PIEZO2: variants seen among roughly 807,000 people sequenced by gnomAD.
PIEZO2 encodes the protein piezo-type mechanosensitive ion channel component 2.
In PIEZO2, 172 loss-of-function variants were observed where a neutral mutation model predicts 337.3. That is an observed-to-expected ratio of 0.51 (90% CI 0.45 to 0.58). The LOEUF (loss-of-function observed/expected upper bound fraction) is 0.58. PIEZO2 is among the 20% of genes least tolerant of loss of function. PIEZO2 has a pLI of 0.00. For synonymous variants in PIEZO2, 1,251 were observed against 1,228.5 expected, an observed-to-expected ratio of 1.02 and a Z score of -0.38; for missense variants, 3,028 against 3,391.3, an observed-to-expected ratio of 0.89 and a Z score of 2.66.
rs1319542874 is a variant in PIEZO2, at chr18:11,083,684, A to C, written c.65-17462T>G. 6.6e-6 allele frequency among the ~76,000 whole-genome samples: 1 copy of C among 152,204 alleles called. No homozygotes were observed. Among genetic ancestry groups the C allele is most frequent in the East Asian group, 1.9e-4 (1 of 5,184 alleles). ...TGAGGTAGAATCATTTAGGACACTT[A>C]GTAGGAATCCTCAGGCAGAAGACTA... On this transcript the variant is annotated intron_variant, in intron 1 of 55. Transcript: ENST00000674853. The surrounding 1 kb of genome is among the most constrained non-coding windows in gnomAD (Gnocchi z 4.4).
intron 17 of PIEZO2, among the ~76,000 whole-genome samples, chr18:10,782,375 A>ATAATATCTTATAATT (rs2039044460): frequency 9.9e-6 from 1 of 101,474 alleles, no homozygotes; most frequent in South Asian, 2.6e-4. Flanking sequence ...AAATAATTAT[A>ATAATATCTTATAATT]ATATATTATA....
At position 10,979,994 on chromosome 18, in the gene PIEZO2, C is replaced by T. The variant is rs1257868510; in HGVS notation, c.161-334G>A. On this transcript the variant is annotated intron_variant, in intron 2 of 55. Coordinates refer to ENST00000674853, the MANE Select transcript of PIEZO2 (RefSeq NM_001378183.1). This position sits in a 1 kb window ranked among gnomAD's most constrained non-coding sequence, Gnocchi z 4.0. The stretch of plus-strand genomic sequence containing the variant: ...GCCAACTTTGAAGGGACAGATAACT[C>T]CTGTCTTAGAAAAATAATTCTAGGA... Among the ~76,000 whole-genome samples, 1 of 152,076 alleles carries T rather than the reference C, an allele frequency of 6.6e-6. No individual in the cohort carries two copies. The highest frequency in any genetic ancestry group is 1.5e-5 in the Non-Finnish European group (1 of 68,000).
At chr18:10,692,405 C>T (rs1224308203) in intron 47 of PIEZO2, among the ~76,000 whole-genome samples, 1 of 152,152 alleles carries the variant, frequency 6.6e-6, no homozygotes, top group Non-Finnish European at 1.5e-5. Context: ...GATACAAGCA[C>T]CATATTTCTC....
chr18:10,801,915 T>C (rs1424897426), intron 9 of PIEZO2, among the ~76,000 whole-genome samples: 1 of 151,752 alleles, frequency 6.6e-6, no homozygotes, highest in African/African-American at 2.4e-5. Flanking sequence ...TGAAACCCCA[T>C]CTCTACTAAA....
chr18:11,106,282 TA>T (rs2039558543), intron 1 of PIEZO2, among the ~76,000 whole-genome samples: 2 of 148,288 alleles, frequency 1.3e-5, no homozygotes, highest in African/African-American at 5.0e-5. Context: ...TTTTTTTTAG[TA>T]GAGACGGGGT....
chr18:11,049,783 T>C (rs1328544966), intron 2 of PIEZO2, among the ~76,000 whole-genome samples: 1 of 152,190 alleles, frequency 6.6e-6, no homozygotes, highest in East Asian at 1.9e-4. Flanking sequence ...CCTCCCACCA[T>C]GATTGTGAGG....
In PIEZO2 at chr18:10,742,580, T is replaced by C; in HGVS notation, c.4550A>G (p.Lys1517Arg). 1 of 1,537,208 alleles carries C rather than the reference T, an allele frequency of 6.5e-7. No individual in the cohort carries two copies. The highest frequency in any genetic ancestry group is 1.2e-5 in the South Asian group (1 of 84,060). ...GCTCAGCATCCTCTCCTTACCCTTT[T>C]TATATTTCTGTTGCCTGGCCTTGAT... ...DRIKARQQKY[K>R]KGKERMLSLT... The change falls in exon 32 of 56, where the codon AAA (lysine) becomes AGA (arginine). Residue 1517 changes from lysine to arginine, a missense_variant. Around this residue, in one of 5 missense-constraint regions of PIEZO2, gnomAD observed 1,925 missense variants for 2,051.9 expected, o/e 0.94. Transcript: ENST00000674853.
chr18:10,859,863 C>T lies in PIEZO2; in HGVS notation c.493-2652G>A, dbSNP rs540820051. ...CAGCAGCGGGGAGGTGGTGGCTGTG[C>T]TGGAGGAGAGGGGAGGGAGTGGTGG... is the stretch of plus-strand genomic sequence containing the variant. On this transcript the variant is annotated intron_variant, in intron 5 of 55. Transcript: ENST00000674853. The surrounding 1 kb of genome is among the most constrained non-coding windows in gnomAD (Gnocchi z 4.9). 1.3e-5 allele frequency among the ~76,000 whole-genome samples: 2 copies of T among 152,144 alleles called. No individual in the cohort carries two copies. Among genetic ancestry groups the T allele is most frequent in the East Asian group, 3.9e-4 (2 of 5,170 alleles).
rs2040368652 is a variant in PIEZO2 at position 11,132,489 on chromosome 18, A to C, written c.64+16036T>G. ...CAGAAGGCCGTGTATGCTCTGAATC[A>C]ACATCCAATATATGGTACTGTTTCT... On this transcript the variant is annotated intron_variant, in intron 1 of 55. Coordinates refer to ENST00000674853, the MANE Select transcript of PIEZO2 (RefSeq NM_001378183.1). The surrounding 1 kb of genome is among the most constrained non-coding windows in gnomAD (Gnocchi z 4.7). Among the ~76,000 whole-genome samples, 1 of 152,162 alleles carries C rather than the reference A, an allele frequency of 6.6e-6. No homozygotes were observed. The highest frequency in any genetic ancestry group is 2.1e-4 in the South Asian group (1 of 4,822).
At chr18:10,721,120 G>A (rs185603856) in intron 36 of PIEZO2, among the ~76,000 whole-genome samples, 1 of 152,266 alleles carries the variant, frequency 6.6e-6, no homozygotes, top group Non-Finnish European at 1.5e-5. Context: ...AAAGGCTTTA[G>A]AACAAAGAAG....
In PIEZO2 at chr18:11,102,138, C is replaced by G. The variant is rs1013997379; in HGVS notation, c.65-35916G>C. 6.6e-6 allele frequency among the ~76,000 whole-genome samples: 1 copy of G among 152,222 alleles called. No homozygotes were observed. Among genetic ancestry groups the G allele is most frequent in the African/African-American group, 2.4e-5 (1 of 41,514 alleles). The stretch of plus-strand genomic sequence containing the variant: ...TAAACTAAGAAACAAAGAGACTGAC[C>G]GTCTACCATGGTCCCTGGTTGAACA... On this transcript the variant is annotated intron_variant, in intron 1 of 55. Coordinates refer to ENST00000674853, the MANE Select transcript of PIEZO2 (RefSeq NM_001378183.1). This position sits in a 1 kb window ranked among gnomAD's most constrained non-coding sequence, Gnocchi z 5.7.
intron 7 of PIEZO2, among the ~76,000 whole-genome samples, chr18:10,844,788 C>CAAAA (rs10709952): frequency 6.9e-5 from 8 of 116,742 alleles, no homozygotes; most frequent in Admixed American, 2.6e-4. Context: ...GACTCTGTCT[C>CAAAA]AAAAAAAAAA....
intron 2 of PIEZO2, among the ~76,000 whole-genome samples, chr18:11,014,698 C>A (rs1184072523): frequency 7.0e-6 from 1 of 141,944 alleles, no homozygotes. Flanking sequence ...GGCGGGACAG[C>A]GATCCAGGGC....
At chr18:10,816,680 G>C (rs1477289602) in intron 7 of PIEZO2, among the ~76,000 whole-genome samples, 1 of 152,002 alleles carries the variant, frequency 6.6e-6, no homozygotes, top group African/African-American at 2.4e-5. Flanking sequence ...AAAAAAAATT[G>C]GTGCATCACT....
intron 7 of PIEZO2, among the ~76,000 whole-genome samples, chr18:10,835,547 C>CTTTTT (rs58831248): frequency 6.8e-6 from 1 of 146,340 alleles, no homozygotes; most frequent in Admixed American, 6.8e-5. Flanking sequence ...TAACCAAGTT[C>CTTTTT]TTTTTTTTTT....
At chr18:10,720,704 C>G (rs1242360704) in intron 36 of PIEZO2, among the ~76,000 whole-genome samples, 1 of 151,850 alleles carries the variant, frequency 6.6e-6, no homozygotes, top group African/African-American at 2.4e-5. Flanking sequence ...CACAGCGTCC[C>G]AAGTTGCTGA....
Position 10,856,945 on chromosome 18 carries a change from C to T in PIEZO2, c.703+56G>A, listed in dbSNP as rs2041721145. The T allele has an allele frequency of 7.0e-7, 1 of 1,431,690 alleles. No homozygotes were observed. Among genetic ancestry groups the T allele is most frequent in the Admixed American group, 2.0e-5 (1 of 50,478 alleles). 88.7% of individuals were successfully genotyped at this position (1,431,690 alleles called of 1,614,324 possible). A position where few individuals can be genotyped will look rare whatever the true frequency, so the allele number is the denominator to read the frequency against. ...TTCTTCTTCAACCATTTCTCTCATTCACCAAAGCACTGCTTGTGCCTTTTG... is the reference window on the plus strand; with the variant it reads ...TTCTTCTTCAACCATTTCTCTCATTTACCAAAGCACTGCTTGTGCCTTTTG... On this transcript the variant is annotated intron_variant, in intron 6 of 55. Transcript: ENST00000674853. The surrounding 1 kb of genome is among the most constrained non-coding windows in gnomAD (Gnocchi z 4.7).
intron 1 of PIEZO2, among the ~76,000 whole-genome samples, chr18:11,113,763 G>GC (rs1369510958): frequency 5.3e-5 from 8 of 152,254 alleles, no homozygotes; most frequent in African/African-American, 1.7e-4. Context: ...GACAACGCAG[G>GC]CCTTCCTGGC....
chr18:10,791,325 C>G lies in PIEZO2; in HGVS notation c.1759-1G>C, dbSNP rs2039404835. ...GCCAAAAAGTAATGGTGAAAAGGAT[C>G]TGAAAGTAGAGAAGCAGCAAAACAA... On this transcript the variant is annotated splice_acceptor_variant, in intron 13 of 55. Transcript: ENST00000674853. LOFTEE classifies it high-confidence loss of function. 1 of 1,492,962 alleles carries G rather than the reference C, an allele frequency of 6.7e-7. No individual in the cohort carries two copies. Among genetic ancestry groups the G allele is most frequent in the Non-Finnish European group, 8.9e-7 (1 of 1,125,898 alleles). The allele number at this position is 1,492,962 out of a possible 1,614,324, so 92.5% of individuals were successfully genotyped here.
Sources: gnomAD v4.1 joint callset for allele counts (sites outside exome capture counted in the v4.1 genomes callset) on GRCh38, gnomAD v4.1.1 for gene constraint, gnomAD v4.1.1 regional missense constraint, Gnocchi (gnomAD v3.1) non-coding constraint, MANE v1.5 for transcripts, NCBI Gene and HGNC (gene_info 2026-07-23, HGNC 2026-07-21) for gene names.